Variants in PSG3 observed in about 807,000 individuals in gnomAD.
The protein encoded by PSG3 is pregnancy-specific beta-1-glycoprotein 3.
A neutral mutation model predicts 47.5 loss-of-function variants in PSG3; 61 were observed. The observed-to-expected ratio is 1.28, with a 90% CI of 1.05 to 1.59. PSG3 has a LOEUF of 1.59. Ranked by LOEUF, PSG3 falls within the 40% of genes most tolerant of loss-of-function variation. PSG3 has a pLI of 0.00. For synonymous variants in PSG3, 263 were observed against 198.4 expected (o/e 1.33, Z -2.74); for missense variants, 756 against 524.0 (o/e 1.44, Z -4.32).
At chr19:42,732,579 C>T (rs1969489960) in intron 3 of PSG3, 2 of 1,252,724 alleles carry the variant, frequency 1.6e-6, no homozygotes, top group African/African-American at 3.0e-5. Context: ...GCTGAGTCTC[C>T]CATGACAGGA....
At chr19:42,734,690 T>TGCCAAAGGAG (rs1449817120) in intron 2 of PSG3, among the ~76,000 whole-genome samples, 1 of 152,172 alleles carries the variant, frequency 6.6e-6, no homozygotes. Context: ...CCAAAGGTGA[T>TGCCAAAGGAG]TTGAAATTAG....
At position 42,725,291 on chromosome 19, in the gene PSG3, C is replaced by G. The variant is rs183328267; in HGVS notation, c.1244-1266G>C. On this transcript the variant is annotated intron_variant, in intron 5 of 6. Coordinates refer to ENST00000327495, the MANE Select transcript of PSG3 (RefSeq NM_021016.4). The stretch of plus-strand genomic sequence containing the variant: ...TGAGTCTTGTGCAAGAAATTTATAA[C>G]TGTAAACTCTTACATTAAAAAAGAA... Among the ~76,000 whole-genome samples, 631 of 152,202 alleles carry G rather than the reference C, an allele frequency of 4.1e-3. 3 individuals carry two copies. Among genetic ancestry groups the G allele is most frequent in the Middle Eastern group, 0.01 (3 of 294 alleles).
intron 2 of PSG3, among the ~76,000 whole-genome samples, chr19:42,737,861 C>T (rs1251251367): frequency 6.6e-5 from 10 of 152,224 alleles, no homozygotes; most frequent in Non-Finnish European, 1.5e-4. Flanking sequence ...TGTGGCTTTT[C>T]ATGCTATCTG....
intron 1 of PSG3, 112 bp downstream of exon 1, chr19:42,740,209 C>G: frequency 6.3e-7 from 1 of 1,599,550 alleles, no homozygotes; most frequent in African/African-American, 1.3e-5. Context: ...TCCTCAGCCT[C>G]CCTAAGTGCT....
intron 4 of PSG3, 117 bp from the exon 5 acceptor site, chr19:42,729,494 A>G: frequency 6.7e-7 from 1 of 1,502,054 alleles, no homozygotes; most frequent in East Asian, 2.3e-5. Context: ...GTGCCAGCCA[A>G]ACCCCCTCTA....
rs73547125 is a variant in PSG3 at position 42,729,678 on chromosome 19, G to A, written c.988+100C>T. 4,447 of 1,568,862 alleles carry A rather than the reference G, an allele frequency of 2.8e-3. 128 individuals carry two copies. In the African/African-American group the frequency reaches 0.053, roughly 19 times the overall value. ...GCCAGCTCGGATGTCCAGAAGTAAT[G>A]GTATCTATACTTGGACCAGAGAGAG... On this transcript the variant is annotated intron_variant, in intron 4 of 6. Coordinates refer to ENST00000327495, the MANE Select transcript of PSG3 (RefSeq NM_021016.4).
At chr19:42,725,627 C>T (rs1256616837) in intron 5 of PSG3, among the ~76,000 whole-genome samples, 1 of 152,044 alleles carries the variant, frequency 6.6e-6, no homozygotes, top group Non-Finnish European at 1.5e-5. Context: ...TGGGAAGTCA[C>T]AGCAGAAGGA....
chr19:42,739,895 G>A (rs988224248), intron 1 of PSG3, among the ~76,000 whole-genome samples: 4 of 151,792 alleles, frequency 2.6e-5, no homozygotes, highest in Admixed American at 6.6e-5. Context: ...CCTCTTGGGT[G>A]TATTTTCCCC....
intron 5 of PSG3, 46 bp downstream of exon 5, chr19:42,729,077 G>C: frequency 1.9e-6 from 3 of 1,613,456 alleles, no homozygotes; most frequent in South Asian, 2.2e-5. Context: ...AAGCCAGAGA[G>C]ACTCCACCTA....
At chr19:42,723,312 T>C (rs1351469430) in intron 6 of PSG3, among the ~76,000 whole-genome samples, 1 of 152,228 alleles carries the variant, frequency 6.6e-6, no homozygotes, top group East Asian at 1.9e-4. Context: ...GATTTCACTC[T>C]GTTTTCAGAC....
chr19:42,736,083 A>T (rs758539038), intron 2 of PSG3, among the ~76,000 whole-genome samples: 25 of 152,216 alleles, frequency 1.6e-4, no homozygotes, highest in Non-Finnish European at 3.4e-4. Context: ...TAAAAGTAAC[A>T]CCCTTACTTT....
Position 42,721,889 on chromosome 19 carries a change from T to C in PSG3, c.*242A>G. On this transcript the variant is annotated 3_prime_UTR_variant, in exon 7 of 7. Transcript: ENST00000327495. ...ATTTAGTCCAATAAAATTGGGTTTT[T>C]TTCTTTGTCTTGAATTTCATGAAGT... is the stretch of plus-strand genomic sequence containing the variant. 1 of 415,160 alleles carries C rather than the reference T, an allele frequency of 2.4e-6. No homozygotes were observed. Among genetic ancestry groups the C allele is most frequent in the Non-Finnish European group, 4.4e-6 (1 of 226,086 alleles). The allele number at this position is 415,160 out of a possible 1,614,324, so 25.7% of individuals were successfully genotyped here. A position where few individuals can be genotyped will look rare whatever the true frequency, so the allele number is the denominator to read the frequency against.
intron 2 of PSG3, among the ~76,000 whole-genome samples, chr19:42,736,654 GTGT>G (rs1969568982): frequency 1.6e-5 from 2 of 128,980 alleles, no homozygotes; most frequent in African/African-American, 5.3e-5. Context: ...GTGTGTGTGT[GTGT>G]GTGCAGGAGG....
Position 42,739,098 on chromosome 19 carries a change from T to G in PSG3, c.65-9A>C, listed in dbSNP as rs1197855976. ...GAAGTTTAAAAGTAATGCTAGGAGG[T>G]GGAGAGAGCATCAGTCAATATTGAG... is the stretch of plus-strand genomic sequence containing the variant. On this transcript the variant is annotated splice_polypyrimidine_tract_variant and intron_variant, in intron 1 of 6. Transcript: ENST00000327495. 1 of 1,592,806 alleles carries G rather than the reference T, an allele frequency of 6.3e-7. No homozygotes were observed. The highest frequency in any genetic ancestry group is 2.2e-5 in the East Asian group (1 of 44,784).
At chr19:42,733,343 T>G (rs1363652760) in intron 2 of PSG3, 1 of 544,028 alleles carries the variant, frequency 1.8e-6, no homozygotes, top group African/African-American at 2.0e-5. Context: ...CAGCCCCTGG[T>G]GCCTCTCTGA....
In PSG3 at chr19:42,736,246, C is replaced by T. The variant is rs145074517; in HGVS notation, c.430+2478G>A. On this transcript the variant is annotated intron_variant, in intron 2 of 6. Transcript: ENST00000327495. ...AGTTTACAAAATTTGTAACTAATTG[C>T]TCCTATAGATAACATCACTATTGTA... is the stretch of plus-strand genomic sequence containing the variant. Among the ~76,000 whole-genome samples the T allele has an allele frequency of 9.4e-3, 1,431 of 152,248 alleles. 28 individuals are homozygous for T. The highest frequency in any genetic ancestry group is 0.033 in the African/African-American group (1,355 of 41,536).
rs16976174 is a variant in PSG3 at position 42,732,900 on chromosome 19, T to A, written c.593A>T (p.Asn198Ile). The part of the protein sequence containing the change: ...PMTHSLQLSK[N>I]KRTLFLFGVT... ...ACCAAATAGAAAGAGGGTCCTTTTG[T>A]TTTTGGACAACTGCAAGCTGTGAGT... The change falls in exon 3 of 7, where the codon AAC (asparagine) becomes ATC (isoleucine). Residue 198 changes from asparagine to isoleucine, a missense_variant. By Grantham distance (149) the Asn-to-Ile change is moderately radical. Coordinates refer to ENST00000327495, the MANE Select transcript of PSG3 (RefSeq NM_021016.4). 15 of 1,613,954 alleles carry A rather than the reference T, an allele frequency of 9.3e-6. No homozygotes were observed. The Admixed American group carries it at 2.3e-4, about 25-fold the overall frequency.
At chr19:42,737,597 C>T (rs763190602) in intron 2 of PSG3, among the ~76,000 whole-genome samples, 49 of 152,148 alleles carry the variant, frequency 3.2e-4, no homozygotes, top group Non-Finnish European at 5.4e-4. Flanking sequence ...ACAGACTAAT[C>T]AGTTGACCGT....
intron 6 of PSG3, among the ~76,000 whole-genome samples, chr19:42,723,009 A>G (rs935002566): frequency 4.6e-5 from 7 of 152,054 alleles, no homozygotes; most frequent in African/African-American, 1.7e-4. Context: ...TTCCCATCAG[A>G]TTTCTCTGAT....
Sources: allele counts gnomAD v4.1 joint callset (sites outside exome capture counted in the v4.1 genomes callset), GRCh38; gene constraint gnomAD v4.1.1; transcripts MANE v1.5; gene names NCBI Gene and HGNC (gene_info 2026-07-23, HGNC 2026-07-21).